TENM3: variants seen among roughly 807,000 people sequenced by gnomAD.
TENM3 encodes teneurin-3.
A neutral mutation model predicts 255.1 loss-of-function variants in TENM3; 63 were observed. The observed-to-expected ratio is 0.25, with a 90% CI of 0.20 to 0.30. TENM3 has a LOEUF of 0.30. Ranked by LOEUF, TENM3 falls within the 10% of genes least tolerant of loss-of-function variation. The pLI is 1.00. For missense variants in TENM3, 2,929 were observed against 3,461.1 expected (o/e 0.85, Z 3.86); for synonymous variants, 1,306 against 1,322.3 (o/e 0.99, Z 0.27).
chr4:182,268,685 A>G (rs1214855531), intron 1 of TENM3, among the ~76,000 whole-genome samples: 2 of 152,166 alleles, frequency 1.3e-5, no homozygotes, highest in Non-Finnish European at 2.9e-5. Flanking sequence ...CAAGATGATG[A>G]CAAGAGTGAC....
chr4:181,848,512 G>T, the TENM3 span, among the ~76,000 whole-genome samples: 2 of 152,262 alleles, frequency 1.3e-5, 1 homozygote, highest in South Asian at 4.1e-4. Context: ...GTTATCATGT[G>T]TCCACAAACA....
the TENM3 span, among the ~76,000 whole-genome samples, chr4:182,090,545 T>C: frequency 2.6e-5 from 4 of 152,148 alleles, no homozygotes; most frequent in African/African-American, 9.7e-5. Flanking sequence ...GAGAAAGCCA[T>C]ACAGAGGTTA....
At chr4:181,832,171 G>A in the TENM3 span, among the ~76,000 whole-genome samples, 1 of 152,094 alleles carries the variant, frequency 6.6e-6, no homozygotes, top group African/African-American at 2.4e-5. Flanking sequence ...TGAACTCAGA[G>A]TGGAGACCAC....
the TENM3 span, among the ~76,000 whole-genome samples, chr4:182,121,419 T>C: frequency 1.3e-5 from 2 of 152,158 alleles, no homozygotes; most frequent in African/African-American, 4.8e-5. Flanking sequence ...AAAATAACGT[T>C]GGTGGCTAAG....
chr4:182,376,814 A>C (rs1767208428), intron 3 of TENM3, among the ~76,000 whole-genome samples: 1 of 151,538 alleles, frequency 6.6e-6, no homozygotes, highest in South Asian at 2.1e-4. Flanking sequence ...ATCAGATGTT[A>C]TCTTGATATT....
the TENM3 span, among the ~76,000 whole-genome samples, chr4:181,570,197 C>T: frequency 6.6e-6 from 1 of 151,906 alleles, no homozygotes; most frequent in African/African-American, 2.4e-5. Context: ...AGGCGCCCGC[C>T]ACCGCGCCCG....
the TENM3 span, among the ~76,000 whole-genome samples, chr4:181,813,994 T>C: frequency 1.2e-4 from 18 of 152,024 alleles, no homozygotes; most frequent in Non-Finnish European, 2.4e-4. Flanking sequence ...AGAAGAAATA[T>C]GTAGTGAAAT....
chr4:182,110,987 C>T, the TENM3 span, among the ~76,000 whole-genome samples: 1 of 152,106 alleles, frequency 6.6e-6, no homozygotes, highest in African/African-American at 2.4e-5. Context: ...GTGGAAAGTG[C>T]TGTTGTTAGC....
At chr4:181,710,135 G>A in the TENM3 span, among the ~76,000 whole-genome samples, 1 of 152,044 alleles carries the variant, frequency 6.6e-6, no homozygotes, top group Non-Finnish European at 1.5e-5. Flanking sequence ...TAATGCCATG[G>A]TGCCAAATAA....
intron 5 of TENM3, among the ~76,000 whole-genome samples, chr4:182,642,243 C>G (rs926541469): frequency 1.3e-5 from 2 of 152,096 alleles, no homozygotes; most frequent in Admixed American, 6.5e-5. Context: ...ACCCTTTAAG[C>G]AAGAGAAAAC....
the TENM3 span, among the ~76,000 whole-genome samples, chr4:181,671,945 G>A: frequency 2.0e-5 from 3 of 152,054 alleles, no homozygotes; most frequent in African/African-American, 7.2e-5. Flanking sequence ...ACTAGGAATA[G>A]GATTATTCCC....
chr4:182,551,175 T>TTGCATCATGA (rs1741965721), intron 3 of TENM3, among the ~76,000 whole-genome samples: 2 of 142,270 alleles, frequency 1.4e-5, no homozygotes, highest in Middle Eastern at 3.9e-3. Context: ...TGAGCTGAGA[T>TTGCATCATGA]CACTCCACTG....
chr4:182,326,352 A>G (rs1274815639), intron 2 of TENM3, among the ~76,000 whole-genome samples: 11 of 152,044 alleles, frequency 7.2e-5, no homozygotes, highest in Non-Finnish European at 1.6e-4. Context: ...ATTGAGACGG[A>G]TGAGGTTTGG....
chr4:181,523,783 C>T, the TENM3 span, among the ~76,000 whole-genome samples: 42 of 152,270 alleles, frequency 2.8e-4, no homozygotes, highest in African/African-American at 9.6e-4. Flanking sequence ...TCCTATGCGC[C>T]ACAAAGTAGT....
chr4:182,205,378 G>A (rs1001828417), intron 1 of TENM3, among the ~76,000 whole-genome samples: 9 of 152,200 alleles, frequency 5.9e-5, no homozygotes, highest in African/African-American at 1.7e-4. Flanking sequence ...CTGGGTCTTT[G>A]CTTGACTTAG....
At chr4:182,066,590 T>TAAAAAAA in the TENM3 span, among the ~76,000 whole-genome samples, 6 of 136,340 alleles carry the variant, frequency 4.4e-5, no homozygotes, top group East Asian at 2.1e-4. Flanking sequence ...AGAATTATGG[T>TAAAAAAA]AAAAAAAAAA....
the TENM3 span, among the ~76,000 whole-genome samples, chr4:181,768,112 T>A: frequency 1.1e-4 from 17 of 152,370 alleles, no homozygotes; most frequent in Non-Finnish European, 1.0e-4. Context: ...CTGAAAAGTA[T>A]TTAGCAGAGT....
At chr4:182,166,958 T>C (rs1185116550) in intron 1 of TENM3, among the ~76,000 whole-genome samples, 3 of 152,196 alleles carry the variant, frequency 2.0e-5, no homozygotes, top group Non-Finnish European at 4.4e-5. Flanking sequence ...CTAAGTTGTT[T>C]TGTGGATGAC....
chr4:181,816,066 T>A, the TENM3 span, among the ~76,000 whole-genome samples: 17 of 152,342 alleles, frequency 1.1e-4, no homozygotes, highest in African/African-American at 4.1e-4. Flanking sequence ...GAGTTGGCAA[T>A]GCCTGCTAAC....
Sources: allele counts gnomAD v4.1 joint callset (sites outside exome capture counted in the v4.1 genomes callset), GRCh38; gene constraint gnomAD v4.1.1; transcripts MANE v1.5; gene names NCBI Gene and HGNC (gene_info 2026-07-23, HGNC 2026-07-21).